ENTREP1: variants seen among roughly 807,000 people sequenced by gnomAD.
The protein encoded by ENTREP1 is endosomal transmembrane epsin interactor 1, also known as Friedreich ataxia region gene X123.
the ENTREP1 span, among the ~76,000 whole-genome samples, chr9:69,365,548 C>A: frequency 6.6e-6 from 1 of 152,086 alleles, no homozygotes; most frequent in African/African-American, 2.4e-5. Context: ...CTAGCTATTT[C>A]AAAATATGCA....
At chr9:69,349,068 C>T in the ENTREP1 span, among the ~76,000 whole-genome samples, 10 of 151,418 alleles carry the variant, frequency 6.6e-5, no homozygotes, top group African/African-American at 2.4e-4. Flanking sequence ...CCTGTAATTC[C>T]AGCCACTCAG....
chr9:69,328,736 A>G, the ENTREP1 span, among the ~76,000 whole-genome samples: 2 of 152,206 alleles, frequency 1.3e-5, no homozygotes, highest in African/African-American at 4.8e-5. Flanking sequence ...ATATATTCAC[A>G]TGCCATACAA....
chr9:69,329,238 A>G, the ENTREP1 span: 5 of 337,004 alleles, frequency 1.5e-5, no homozygotes, highest in South Asian at 1.2e-4. Flanking sequence ...AGCCTGCTAT[A>G]TCAACTGAAC....
chr9:69,386,560 A>C, the ENTREP1 span: 4 of 152,232 alleles, frequency 2.6e-5, no homozygotes, highest in African/African-American at 9.6e-5. Context: ...TCATTGTAGA[A>C]AATTATAAAA....
the ENTREP1 span, chr9:69,325,058 G>T: frequency 1.0e-6 from 1 of 985,410 alleles, no homozygotes; most frequent in South Asian, 4.7e-5. Context: ...AGTGCGCGTG[G>T]GTGAGAGTGA....
At chr9:69,364,708 C>T in the ENTREP1 span, among the ~76,000 whole-genome samples, 1 of 152,094 alleles carries the variant, frequency 6.6e-6, no homozygotes, top group Non-Finnish European at 1.5e-5. Flanking sequence ...TCATATATGC[C>T]ACAGTTGTCT....
the ENTREP1 span, among the ~76,000 whole-genome samples, chr9:69,331,836 C>T: frequency 4.6e-5 from 7 of 152,198 alleles, no homozygotes; most frequent in African/African-American, 1.7e-4. Flanking sequence ...AAGCCCTCAT[C>T]GTGATACAGT....
chr9:69,376,610 G>T, the ENTREP1 span, among the ~76,000 whole-genome samples: 2 of 152,268 alleles, frequency 1.3e-5, no homozygotes, highest in Admixed American at 6.5e-5. Context: ...TTTCATTTTG[G>T]TGGGGAGGAA....
the ENTREP1 span, among the ~76,000 whole-genome samples, chr9:69,340,667 G>GTGTGTGTGCATGCA: frequency 1.5e-4 from 3 of 19,570 alleles, no homozygotes; most frequent in East Asian, 2.6e-3. Context: ...GTGTGTGTGC[G>GTGTGTGTGCATGCA]TGTGTGTGTG....
the ENTREP1 span, among the ~76,000 whole-genome samples, chr9:69,369,584 AGAT>A: frequency 6.9e-6 from 1 of 145,674 alleles, no homozygotes; most frequent in Non-Finnish European, 1.5e-5. Flanking sequence ...TAATGACCAG[AGAT>A]GATGAGCTTT....
chr9:69,337,021 T>C, the ENTREP1 span, among the ~76,000 whole-genome samples: 1 of 132,454 alleles, frequency 7.5e-6, no homozygotes, highest in Non-Finnish European at 1.6e-5. Flanking sequence ...TTTTTTTTTT[T>C]TTTTTTTTTT....
the ENTREP1 span, chr9:69,371,498 G>T: frequency 6.2e-7 from 1 of 1,606,610 alleles, no homozygotes; most frequent in South Asian, 1.1e-5. Context: ...TGCCATTTCA[G>T]GTAAACCTCT....
At chr9:69,340,622 TGC>T in the ENTREP1 span, among the ~76,000 whole-genome samples, 1 of 71,762 alleles carries the variant, frequency 1.4e-5, no homozygotes, top group African/African-American at 6.2e-5. Context: ...CATGTGTGTG[TGC>T]ATGTGTGTGT....
the ENTREP1 span, chr9:69,377,669 A>G: frequency 6.2e-7 from 1 of 1,614,046 alleles, no homozygotes. Context: ...CCCGACCCTG[A>G]TGATTTTGTG....
chr9:69,336,520 T>C, the ENTREP1 span, among the ~76,000 whole-genome samples: 3 of 152,146 alleles, frequency 2.0e-5, no homozygotes, highest in African/African-American at 4.8e-5. Context: ...ATTAAACCCA[T>C]CCTAAAGATA....
chr9:69,387,717 C>G, the ENTREP1 span: 1 of 373,224 alleles, frequency 2.7e-6, no homozygotes, highest in Admixed American at 3.9e-5. Context: ...TTACATTCAT[C>G]TGACAAGTCT....
the ENTREP1 span, chr9:69,336,241 C>T: frequency 1.9e-5 from 30 of 1,589,974 alleles, 1 homozygote; most frequent in Middle Eastern, 8.3e-4. Flanking sequence ...ATAGGATTAA[C>T]AACTTGGAAA....
the ENTREP1 span, among the ~76,000 whole-genome samples, chr9:69,373,840 A>G: frequency 1.3e-5 from 2 of 152,146 alleles, no homozygotes; most frequent in Non-Finnish European, 2.9e-5. Flanking sequence ...GAAAAACACA[A>G]ATCTTAAGTG....
chr9:69,391,133 G>A, the ENTREP1 span, among the ~76,000 whole-genome samples: 13 of 152,090 alleles, frequency 8.5e-5, no homozygotes. Context: ...CCAGACCAGT[G>A]GTTCTTACTT....
Sources: allele counts gnomAD v4.1 joint callset (sites outside exome capture counted in the v4.1 genomes callset), GRCh38; gene constraint gnomAD v4.1.1; transcripts MANE v1.5; gene names NCBI Gene and HGNC (gene_info 2026-07-23, HGNC 2026-07-21).